MLPH: variants seen among roughly 807,000 people sequenced by gnomAD.
MLPH encodes the protein melanophilin, also known as exophilin-3.
Under a neutral mutation model 72.1 loss-of-function variants are expected in MLPH, and 51 were observed. That is an observed-to-expected ratio of 0.71 (90% CI 0.56 to 0.89). MLPH has a LOEUF of 0.89. Ranked by LOEUF, MLPH falls within the 40% of genes least tolerant of loss-of-function variation. The probability of loss-of-function intolerance (pLI) is 0.00; values close to 1 mark genes in which losing one functional copy is unlikely to be tolerated. For missense variants in MLPH, 743 were observed against 759.9 expected, an observed-to-expected ratio of 0.98 and a Z score of 0.26; for synonymous variants, 301 against 310.1, an observed-to-expected ratio of 0.97 and a Z score of 0.31.
At chr2:237,545,950 C>T (rs1050492376) in intron 12 of MLPH, among the ~76,000 whole-genome samples, 3 of 152,132 alleles carry the variant, frequency 2.0e-5, no homozygotes, top group Admixed American at 2.0e-4. Context: ...AAGTTAAGGA[C>T]ACACCCATGA....
At chr2:237,542,473 C>A (rs1371245276) in intron 11 of MLPH, 94 bp from the exon 12 acceptor site, 14 of 1,028,010 alleles carry the variant, frequency 1.4e-5, no homozygotes, top group African/African-American at 3.2e-5. Context: ...GGCTCCAGGA[C>A]TGAGCTGGGG....
At chr2:237,542,452 C>A in intron 11 of MLPH, 115 bp from the exon 12 acceptor site, 1 of 814,398 alleles carries the variant, frequency 1.2e-6, no homozygotes, top group Non-Finnish European at 2.1e-6. Flanking sequence ...AGGGAAAACA[C>A]AAGTAAAATT....
At chr2:237,493,680 T>C (rs529143649) in intron 2 of MLPH, 144 bp downstream of exon 2, 13 of 674,660 alleles carry the variant, frequency 1.9e-5, no homozygotes, top group South Asian at 1.8e-4. Flanking sequence ...ACACAGCTCT[T>C]CTTTCTGGCC....
At chr2:237,546,582 A>C (rs769187548) in intron 12 of MLPH, 24 bp from the exon 13 acceptor site, 2 of 1,608,998 alleles carry the variant, frequency 1.2e-6, no homozygotes, top group African/African-American at 2.7e-5. Flanking sequence ...CAACAATAAC[A>C]TAAGTCTCTT....
At chr2:237,546,795 T>C (rs1574913396) in intron 13 of MLPH, 112 bp downstream of exon 13, 2 of 880,860 alleles carry the variant, frequency 2.3e-6, no homozygotes, top group East Asian at 5.0e-5. Context: ...TCCTCACAGC[T>C]ACCCACACAG....
intron 8 of MLPH, 25 bp from the exon 9 acceptor site, chr2:237,534,539 C>G (rs762464226): frequency 5.0e-6 from 8 of 1,600,980 alleles, no homozygotes; most frequent in Non-Finnish European, 6.0e-6. Flanking sequence ...GTCCTCTGCC[C>G]ACTGTTTCTC....
intron 8 of MLPH, among the ~76,000 whole-genome samples, chr2:237,529,248 G>C (rs974726954): frequency 6.6e-6 from 1 of 152,086 alleles, no homozygotes; most frequent in Non-Finnish European, 1.5e-5. Flanking sequence ...TCACCATGCT[G>C]ACCAGTCTGG....
At chr2:237,527,738 A>C in intron 8 of MLPH, 1 of 613,946 alleles carries the variant, frequency 1.6e-6, no homozygotes, top group Non-Finnish European at 2.8e-6. Flanking sequence ...CCAAAAATTA[A>C]AAATCGAGTT....
intron 14 of MLPH, 63 bp from the exon 15 acceptor site, chr2:237,552,274 G>A: frequency 1.4e-6 from 2 of 1,398,056 alleles, no homozygotes; most frequent in Non-Finnish European, 2.0e-6. Context: ...GGAGGCCAAG[G>A]CACTTGTTTG....
rs748993251 is a variant in MLPH at position 237,525,591 on chromosome 2, A to G, written c.676-10A>G. On this transcript the variant is annotated splice_polypyrimidine_tract_variant and intron_variant, in intron 6 of 15. Coordinates refer to ENST00000264605, the MANE Select transcript of MLPH (RefSeq NM_024101.7). ...CCCTGCAGAGGAGGCTGACAGCCCC[A>G]TGTGCTTAGTCCCTCACAGATGAGT... 2.0e-5 allele frequency: 32 copies of G among 1,613,884 alleles called. No homozygotes were observed. In the East Asian group the frequency reaches 7.1e-4, roughly 36 times the overall value.
chr2:237,516,556 C>CCTA (rs2080021775), intron 4 of MLPH, among the ~76,000 whole-genome samples: 1 of 152,250 alleles, frequency 6.6e-6, no homozygotes. Flanking sequence ...CCAGGGTCTT[C>CCTA]CTACTGCCCA....
chr2:237,529,202 C>G (rs1344448785), intron 8 of MLPH, among the ~76,000 whole-genome samples: 2 of 152,028 alleles, frequency 1.3e-5, no homozygotes, highest in Non-Finnish European at 2.9e-5. Context: ...ACCACCACGC[C>G]CGGCTAATTT....
At chr2:237,538,153 G>A (rs1025657187) in intron 9 of MLPH, among the ~76,000 whole-genome samples, 16 of 152,198 alleles carry the variant, frequency 1.1e-4, no homozygotes, top group African/African-American at 3.9e-4. Context: ...CGACAAAAAC[G>A]CGGGCCTTGT....
At chr2:237,547,710 T>G (rs2080947551) in intron 13 of MLPH, among the ~76,000 whole-genome samples, 1 of 115,000 alleles carries the variant, frequency 8.7e-6, no homozygotes, top group Non-Finnish European at 1.8e-5. Flanking sequence ...CTCCCCGTGT[T>G]TAGGTGGAGT....
At chr2:237,530,694 T>C (rs1443748786) in intron 8 of MLPH, among the ~76,000 whole-genome samples, 1 of 152,222 alleles carries the variant, frequency 6.6e-6, no homozygotes, top group African/African-American at 2.4e-5. Context: ...AGACTGCTTA[T>C]GGCCGCGTCA....
chr2:237,503,273 G>A (rs907031944), intron 2 of MLPH, among the ~76,000 whole-genome samples: 5 of 152,268 alleles, frequency 3.3e-5, no homozygotes, highest in African/African-American at 1.2e-4. Flanking sequence ...GCCAAGGCAG[G>A]GCCTGGAGGG....
intron 8 of MLPH, among the ~76,000 whole-genome samples, chr2:237,528,041 C>A (rs1390236474): frequency 6.6e-6 from 1 of 152,156 alleles, no homozygotes. Context: ...TGGACACATG[C>A]TATATGGTTC....
chr2:237,542,321 C>T (rs141724697), intron 11 of MLPH, among the ~76,000 whole-genome samples: 93 of 152,248 alleles, frequency 6.1e-4, no homozygotes, highest in African/African-American at 2.1e-3. Flanking sequence ...AAAATGCACC[C>T]GTCCTGCGTT....
chr2:237,512,184 G>A lies in MLPH; in HGVS notation c.445+1083G>A, dbSNP rs922319743. Reference sequence around the variant, plus strand: ...GTCCTCACCATGCCCCAGCCCAGGCGTCTCCCCCAGGCCTTCCTTCTGGAG... The same window carrying A: ...GTCCTCACCATGCCCCAGCCCAGGCATCTCCCCCAGGCCTTCCTTCTGGAG... On this transcript the variant is annotated intron_variant, in intron 4 of 15. Coordinates refer to ENST00000264605, the MANE Select transcript of MLPH (RefSeq NM_024101.7). The surrounding 1 kb of genome is among the most constrained non-coding windows in gnomAD (Gnocchi z 5.5). 4.6e-5 allele frequency among the ~76,000 whole-genome samples: 7 copies of A among 152,190 alleles called. No individual in the cohort carries two copies. Among genetic ancestry groups the A allele is most frequent in the Admixed American group, 3.9e-4 (6 of 15,280 alleles).
Sources: gnomAD v4.1 joint callset for allele counts (sites outside exome capture counted in the v4.1 genomes callset) on GRCh38, gnomAD v4.1.1 for gene constraint, Gnocchi (gnomAD v3.1) non-coding constraint, MANE v1.5 for transcripts, NCBI Gene and HGNC (gene_info 2026-07-23, HGNC 2026-07-21) for gene names.